The following CHD1 variants were observed in gnomAD, a reference collection of about 807,000 sequenced individuals.
CHD1 encodes chromodomain helicase DNA binding protein 1, also known as ATP-dependent chromatin remodeler CHD1.
A neutral mutation model predicts 224.2 loss-of-function variants in CHD1; 36 were observed. The ratio of observed to expected loss-of-function variants is 0.16; its 90% confidence interval spans 0.12 to 0.21. CHD1 has a LOEUF of 0.21. CHD1 is among the 10% of genes least tolerant of loss of function. The pLI, the probability that CHD1 is intolerant of heterozygous loss-of-function variation, is 1.00. For missense variants in CHD1, 1,378 were observed against 1,994.8 expected (o/e 0.69, Z 5.89); for synonymous variants, 668 against 658.3 (o/e 1.01, Z -0.23).
chr5:98,907,620 G>A (rs372403015), intron 2 of CHD1, among the ~76,000 whole-genome samples: 9 of 146,712 alleles, frequency 6.1e-5, no homozygotes, highest in Admixed American at 6.1e-4. Context: ...AAAAGAGTAA[G>A]GAATATCTTA....
chr5:98,926,237 T>TA, intron 2 of CHD1, 97 bp downstream of exon 2: 1 of 751,406 alleles, frequency 1.3e-6, no homozygotes, highest in South Asian at 1.8e-5. Context: ...CTCTGCTACC[T>TA]ATGAGGAAAA....
At chr5:98,905,464 C>T (rs1435475614) in intron 2 of CHD1, among the ~76,000 whole-genome samples, 1 of 152,078 alleles carries the variant, frequency 6.6e-6, no homozygotes, top group Non-Finnish European at 1.5e-5. Flanking sequence ...ATGGTACCTA[C>T]CTTTATAAAG....
rs573646927 is a variant in CHD1 at position 98,926,441 on chromosome 5, A to G, written c.-55T>C. The G allele has an allele frequency of 1.0e-4, 99 of 966,444 alleles. 1 individual carries two copies. In the South Asian group the frequency reaches 1.1e-3, roughly 11 times the overall value. 59.9% of individuals were successfully genotyped at this position (966,444 alleles called of 1,614,324 possible). A position where few individuals can be genotyped will look rare whatever the true frequency, so the allele number is the denominator to read the frequency against. Reference sequence around the variant, plus strand: ...AAAATATAAATCTTCCCAGTTTAAAAGATGAATATAAATACTGACTCCTTG... The same window carrying G: ...AAAATATAAATCTTCCCAGTTTAAAGGATGAATATAAATACTGACTCCTTG... On this transcript the variant is annotated 5_prime_UTR_variant, in exon 2 of 36. Coordinates refer to ENST00000614616, the MANE Select transcript of CHD1 (RefSeq NM_001270.4).
chr5:98,883,154 G>A lies in CHD1; in HGVS notation c.2652C>T (p.Ser884=), dbSNP rs143378323. ...GAAGATCATTCTGTGGATTCCAATC[G>A]GAATCAAATATAACAACAGTGTCAG... ...ASADTVVIFD[S]DWNPQNDLQA... is the part of the protein sequence containing the mutation. Residue 884 remains serine, a synonymous_variant, in exon 19 of 36, where the codon TCC becomes TCT. Transcript: ENST00000614616. 37 of 1,606,346 alleles carry A rather than the reference G, an allele frequency of 2.3e-5. No individual in the cohort carries two copies. Among genetic ancestry groups the A allele is most frequent in the East Asian group, 1.1e-4 (5 of 44,450 alleles).
rs67061692 is a variant in CHD1 at position 98,864,517 on chromosome 5, CAAAAAAAAAAAAAAAAAA to C, written c.4249-949_4249-932del. Among the ~76,000 whole-genome samples, 82 of 58,136 alleles carry C rather than the reference CAAAAAAAAAAAAAAAAAA, an allele frequency of 1.4e-3. 1 individual carries two copies. The highest frequency in any genetic ancestry group is 4.9e-3 in the African/African-American group (79 of 16,160). The allele number at this position is 58,136 out of a possible 152,430, so 38.1% of individuals were successfully genotyped here. On this transcript the variant is annotated intron_variant, in intron 31 of 35. Transcript: ENST00000614616. ...CAACAGTGAGATCCTGATTCTATAC[CAAAAAAAAAAAAAAAAAA>C]AAAAAAAAAATTAGCCAAGCATGGT...
rs772098911 is a variant in CHD1, at chr5:98,856,470, C to T, written c.5043G>A (p.Gln1681=). 2.5e-5 allele frequency: 41 copies of T among 1,613,546 alleles called. No homozygotes were observed. The highest frequency in any genetic ancestry group is 3.5e-5 in the Non-Finnish European group (41 of 1,179,676). Residue 1681 remains glutamine, a synonymous_variant, in exon 36 of 36, where the codon CAG becomes CAA. Transcript: ENST00000614616. The part of the protein sequence containing the change: ...SSSGPRSPLD[Q]RSPYGSRSPF... Reference sequence around the variant, plus strand: ...GAGATCTGGAGCCATAAGGAGATCTCTGATCTAGTGGTGACCTAGGGCCAC... The same window carrying T: ...GAGATCTGGAGCCATAAGGAGATCTTTGATCTAGTGGTGACCTAGGGCCAC...
rs1490132712 is a variant in CHD1, at chr5:98,904,976, C to T, written c.176G>A (p.Gly59Asp). The change falls in exon 3 of 36, where the codon GGC becomes GAC. Residue 59 changes from glycine to aspartate, a missense_variant. Transcript: ENST00000614616. ...GTCTGACTCAGACTCTGACTGACTG[C>T]CTGATTCAGATCCGGAGTCAGAGTC... is the stretch of plus-strand genomic sequence containing the variant. The part of the protein sequence containing the change: ...SSDSDSGSES[G>D]SQSESESDTS... 1.2e-6 allele frequency: 2 copies of T among 1,601,340 alleles called. No homozygotes were observed. Among genetic ancestry groups the T allele is most frequent in the Non-Finnish European group, 1.7e-6 (2 of 1,168,512 alleles).
intron 2 of CHD1, among the ~76,000 whole-genome samples, chr5:98,915,935 A>C (rs913574108): frequency 3.3e-5 from 5 of 152,178 alleles, no homozygotes; most frequent in Non-Finnish European, 7.3e-5. Context: ...GCTCACACCC[A>C]AAATCCCAGC....
chr5:98,923,413 G>C (rs1219008556), intron 2 of CHD1, among the ~76,000 whole-genome samples: 2 of 142,180 alleles, frequency 1.4e-5, no homozygotes, highest in Admixed American at 1.4e-4. Context: ...ATTTCGCAAG[G>C]TTTAATTTTT....
At chr5:98,873,870 A>G in intron 25 of CHD1, 147 bp from the exon 26 acceptor site, 1 of 577,974 alleles carries the variant, frequency 1.7e-6, no homozygotes, top group Non-Finnish European at 2.8e-6. Context: ...GGAAACACAT[A>G]AAAACCAGGA....
intron 2 of CHD1, among the ~76,000 whole-genome samples, chr5:98,913,780 TAATACA>T (rs59747770): frequency 0.12 from 18,973 of 152,060 alleles, 1,867 homozygotes; most frequent in African/African-American, 0.28. Flanking sequence ...TTTATTTTCA[TAATACA>T]AATACATTCA....
intron 32 of CHD1, among the ~76,000 whole-genome samples, chr5:98,861,071 A>T (rs1748433649): frequency 6.6e-6 from 1 of 152,190 alleles, no homozygotes; most frequent in African/African-American, 2.4e-5. Context: ...CATCCGAATG[A>T]CTGTCTGATC....
chr5:98,912,971 TG>T (rs1298429627), intron 2 of CHD1, among the ~76,000 whole-genome samples: 1 of 152,148 alleles, frequency 6.6e-6, no homozygotes, highest in Non-Finnish European at 1.5e-5. Context: ...AGATTCCAGT[TG>T]GGGGTGCTGG....
chr5:98,902,522 C>T (rs1266817642), intron 5 of CHD1, among the ~76,000 whole-genome samples: 6 of 151,958 alleles, frequency 3.9e-5, no homozygotes, highest in African/African-American at 1.2e-4. Context: ...ATTTCACATG[C>T]AACTGAATAG....
intron 34 of CHD1, 38 bp downstream of exon 34, chr5:98,858,926 T>C: frequency 7.0e-7 from 1 of 1,432,872 alleles, no homozygotes; most frequent in Non-Finnish European, 9.3e-7. Flanking sequence ...AAAAAAATTT[T>C]TTTTAATTTA....
In CHD1 at chr5:98,870,695, A is replaced by G. The variant is rs746729319; in HGVS notation, c.3970T>C (p.Ser1324Pro). ...TGTGGGCTTTAACTTACCGCACCAG[A>G]AAGAGCTTCTTTTTTTGCAAGATCT... ...SRDLAKKEALSGAGSSKRRKA... is the reference protein window; with the variant it reads ...SRDLAKKEALPGAGSSKRRKA... Residue 1324 changes from serine to proline, a missense_variant, in exon 29 of 36, where the codon TCT becomes CCT. This residue lies in a region of CHD1 where 105 missense variants were observed against 93.4 expected (regional missense o/e 1.12). Transcript: ENST00000614616. The G allele has an allele frequency of 1.9e-6, 3 of 1,592,514 alleles. No homozygotes were observed. Among genetic ancestry groups the G allele is most frequent in the South Asian group, 1.1e-5 (1 of 87,744 alleles).
intron 7 of CHD1, among the ~76,000 whole-genome samples, chr5:98,900,031 C>A (rs971289394): frequency 6.6e-6 from 1 of 151,966 alleles, no homozygotes; most frequent in Non-Finnish European, 1.5e-5. Context: ...GCCTGTAATC[C>A]CAGCAATTTG....
At chr5:98,905,834 T>G (rs778006149) in intron 2 of CHD1, among the ~76,000 whole-genome samples, 1 of 152,144 alleles carries the variant, frequency 6.6e-6, no homozygotes, top group African/African-American at 2.4e-5. Context: ...TAGTCCAAGA[T>G]AGAGCAGAAA....
intron 27 of CHD1, 90 bp downstream of exon 27, chr5:98,872,327 A>G: frequency 6.8e-7 from 1 of 1,468,140 alleles, no homozygotes; most frequent in Non-Finnish European, 9.3e-7. Flanking sequence ...TTTTTTCAAA[A>G]CTAGCCAATA....
Sources: allele counts gnomAD v4.1 joint callset (sites outside exome capture counted in the v4.1 genomes callset), GRCh38; gene constraint gnomAD v4.1.1; regional missense constraint gnomAD v4.1.1; transcripts MANE v1.5; gene names NCBI Gene and HGNC (gene_info 2026-07-23, HGNC 2026-07-21).